Variants in BBS4 observed in about 807,000 individuals in gnomAD.
BBS4 encodes the protein BBSome complex member BBS4.
BBS4 carries 58 observed loss-of-function variants against 71.4 expected under a neutral mutation model. The ratio of observed to expected loss-of-function variants is 0.81; its 90% CI spans 0.66 to 1.01. BBS4 has a LOEUF of 1.01. BBS4 is among the 50% of genes least tolerant of loss of function. BBS4 has a pLI of 0.00. For missense variants in BBS4, 660 were observed against 607.9 expected, an observed-to-expected ratio of 1.09 and a Z score of -0.90; for synonymous variants, 228 against 216.8, an observed-to-expected ratio of 1.05 and a Z score of -0.46.
intron 10 of BBS4, 151 bp from the exon 11 acceptor site, chr15:72,731,154 C>A (rs2065812278): frequency 6.0e-6 from 4 of 668,586 alleles, no homozygotes; most frequent in Non-Finnish European, 1.0e-5. Flanking sequence ...GAACATTTGT[C>A]CCAATAGGTT....
intron 2 of BBS4, among the ~76,000 whole-genome samples, chr15:72,699,116 G>A (rs1001466503): frequency 1.3e-5 from 2 of 151,556 alleles, no homozygotes; most frequent in African/African-American, 2.4e-5. Context: ...TTGCTCCACC[G>A]CTCCACTGAT....
At chr15:72,694,936 T>TA (rs1416411438) in intron 1 of BBS4, among the ~76,000 whole-genome samples, 1 of 152,224 alleles carries the variant, frequency 6.6e-6, no homozygotes, top group African/African-American at 2.4e-5. Flanking sequence ...AATTATACAT[T>TA]AAAAATGCAC....
intron 8 of BBS4, among the ~76,000 whole-genome samples, chr15:72,725,798 C>T (rs1365867502): frequency 1.4e-3 from 39 of 27,786 alleles, no homozygotes; most frequent in African/African-American, 5.1e-3. Context: ...CTTCCCTCTT[C>T]CCCCATCCCC....
chr15:72,725,051 TATATATAGAGAG>T lies in BBS4; in HGVS notation c.587+398_587+409del, dbSNP rs1401980460. Among the ~76,000 whole-genome samples, 316 of 101,178 alleles carry T rather than the reference TATATATAGAGAG, an allele frequency of 3.1e-3. 2 individuals are homozygous for T. The highest frequency in any genetic ancestry group is 9.3e-3 in the African/African-American group (285 of 30,712). The allele number at this position is 101,178 out of a possible 152,430, so 66.4% of individuals were successfully genotyped here. On this transcript the variant is annotated intron_variant, in intron 8 of 15. Transcript: ENST00000268057. ...ATAAGCATCTGGCTATATATATATA[TATATATAGAGAG>T]AGAGAGAGAGAGAGAGAGAGACATG...
chr15:72,702,313 T>A (rs2065184332), intron 2 of BBS4, among the ~76,000 whole-genome samples: 1 of 152,198 alleles, frequency 6.6e-6, no homozygotes, highest in Non-Finnish European at 1.5e-5. Flanking sequence ...ACTTGTTGAA[T>A]GTGGACAATT....
intron 1 of BBS4, among the ~76,000 whole-genome samples, chr15:72,688,505 C>T (rs2064920942): frequency 7.3e-6 from 1 of 137,920 alleles, no homozygotes; most frequent in South Asian, 2.3e-4. Flanking sequence ...CCTCTGCCTC[C>T]CGGGTTCAAG....
At chr15:72,700,930 T>C (rs767628900) in intron 2 of BBS4, among the ~76,000 whole-genome samples, 1 of 152,234 alleles carries the variant, frequency 6.6e-6, no homozygotes, top group Non-Finnish European at 1.5e-5. Context: ...TTAGAAAATG[T>C]CTAATTTGGC....
chr15:72,697,977 A>G (rs2065106211), intron 2 of BBS4: 2 of 455,876 alleles, frequency 4.4e-6, no homozygotes, highest in South Asian at 3.1e-5. Context: ...CTTTTGCCCC[A>G]TGATGTAACC....
rs1216454074 is a variant in BBS4 at position 72,725,748 on chromosome 15, T to TTTCCCCC, written c.587+1112_587+1118dup. Among the ~76,000 whole-genome samples, 7 of 62,098 alleles carry TTTCCCCC rather than the reference T, an allele frequency of 1.1e-4. 1 individual carries two copies. The Admixed American group carries it at 1.3e-3, about 12-fold the overall frequency. The allele number at this position is 62,098 out of a possible 152,430, so 40.7% of individuals were successfully genotyped here. ...CCCCCTTTTCTCTTCCCCCTTTCCC[T>TTTCCCCC]TTCCCCCTTCCCCCTTCCCCCTTCC... On this transcript the variant is annotated intron_variant, in intron 8 of 15. Coordinates refer to ENST00000268057, the MANE Select transcript of BBS4 (RefSeq NM_033028.5).
At chr15:72,729,451 T>C (rs977061704) in intron 9 of BBS4, among the ~76,000 whole-genome samples, 165 bp from the exon 10 acceptor site, 9 of 152,090 alleles carry the variant, frequency 5.9e-5, no homozygotes, top group Non-Finnish European at 1.2e-4. Flanking sequence ...GGTTTCTCCA[T>C]GTTGGTCAGG....
intron 9 of BBS4, 59 bp downstream of exon 9, chr15:72,728,053 T>A: frequency 7.9e-7 from 1 of 1,270,236 alleles, no homozygotes; most frequent in Non-Finnish European, 1.2e-6. Context: ...TGGGTTTGTG[T>A]GTATGGTGGT....
chr15:72,731,061 TTA>T (rs1284568524), intron 10 of BBS4, among the ~76,000 whole-genome samples: 5 of 139,568 alleles, frequency 3.6e-5, no homozygotes, highest in Admixed American at 2.4e-4. Context: ...AAGTAACATT[TTA>T]TCTTTTTTTT....
intron 12 of BBS4, among the ~76,000 whole-genome samples, chr15:72,732,151 G>A (rs1379736442): frequency 2.6e-5 from 4 of 152,062 alleles, no homozygotes; most frequent in Non-Finnish European, 5.9e-5. Context: ...TAATAATACT[G>A]GTTTTGTTGA....
At chr15:72,709,661 A>C in intron 2 of BBS4, 39 bp from the exon 3 acceptor site, 1 of 1,449,478 alleles carries the variant, frequency 6.9e-7, no homozygotes, top group Non-Finnish European at 9.7e-7. Flanking sequence ...AGAAAATCTA[A>C]TGACTGTGTT....
At position 72,731,319 on chromosome 15, in the gene BBS4, A is replaced by G. The variant is rs1567429245; in HGVS notation, c.726A>G (p.Ala242=). ...DPTNYKAILA[A]GSMMQTHGDF... Reference sequence around the variant, plus strand: ...CATGTTTTCAGGCCATCTTGGCAGCAGGCAGCATGATGCAGACCCACGGGG... The same window carrying G: ...CATGTTTTCAGGCCATCTTGGCAGCGGGCAGCATGATGCAGACCCACGGGG... Residue 242 remains alanine, a synonymous_variant, in exon 11 of 16, where the codon GCA becomes GCG. Coordinates refer to ENST00000268057, the MANE Select transcript of BBS4 (RefSeq NM_033028.5). 9.9e-6 allele frequency: 16 copies of G among 1,614,132 alleles called. No individual in the cohort carries two copies. Among genetic ancestry groups the G allele is most frequent in the Non-Finnish European group, 1.3e-5 (15 of 1,180,010 alleles).
rs2065957162 is a variant in BBS4, at chr15:72,737,816, C to T, written c.*229C>T. On this transcript the variant is annotated 3_prime_UTR_variant, in exon 16 of 16. Transcript: ENST00000268057. ...AGCCAGGAAAAGTGAAAAGAGAACA[C>T]AGTTCCTTTAAGAACTGGCAGCAAG... 3.6e-6 allele frequency: 2 copies of T among 553,876 alleles called. No individual in the cohort carries two copies. Among genetic ancestry groups the T allele is most frequent in the Non-Finnish European group, 6.9e-6 (2 of 291,874 alleles). The allele number at this position is 553,876 out of a possible 1,614,324, so 34.3% of individuals were successfully genotyped here.
chr15:72,698,284 C>T (rs1567401496), intron 2 of BBS4, among the ~76,000 whole-genome samples: 2 of 152,034 alleles, frequency 1.3e-5, no homozygotes, highest in Non-Finnish European at 2.9e-5. Flanking sequence ...AAGTCAGTGG[C>T]ATTAAGTACA....
At chr15:72,693,468 C>T (rs2065021971) in intron 1 of BBS4, among the ~76,000 whole-genome samples, 1 of 152,024 alleles carries the variant, frequency 6.6e-6, no homozygotes, top group Non-Finnish European at 1.5e-5. Flanking sequence ...TGTAAAGGGC[C>T]AGATAGTAAA....
intron 1 of BBS4, among the ~76,000 whole-genome samples, chr15:72,691,319 A>G (rs899745092): frequency 6.6e-6 from 1 of 152,150 alleles, no homozygotes; most frequent in Non-Finnish European, 1.5e-5. Flanking sequence ...AAAATGTCGT[A>G]TGTGTGCTTT....
Sources: gnomAD v4.1 joint callset for allele counts (sites outside exome capture counted in the v4.1 genomes callset) on GRCh38, gnomAD v4.1.1 for gene constraint, MANE v1.5 for transcripts, NCBI Gene and HGNC (gene_info 2026-07-23, HGNC 2026-07-21) for gene names.